The following SLC30A8 variants were observed in gnomAD, a reference collection of about 807,000 sequenced individuals.
SLC30A8 encodes proton-coupled zinc antiporter SLC30A8.
In SLC30A8, 27 loss-of-function variants were observed where a neutral mutation model predicts 36.9. That is an observed-to-expected ratio of 0.73 (90% CI 0.54 to 1.01). The LOEUF (loss-of-function observed/expected upper bound fraction) is 1.01, where lower values mean the gene tolerates loss of function less well. SLC30A8 is among the 50% of genes least tolerant of loss of function. SLC30A8 has a pLI of 0.00. For synonymous variants in SLC30A8, 164 were observed against 172.4 expected, an observed-to-expected ratio of 0.95 and a Z score of 0.38; for missense variants, 439 against 452.0, an observed-to-expected ratio of 0.97 and a Z score of 0.26.
intron 2 of SLC30A8, among the ~76,000 whole-genome samples, chr8:117,057,267 A>C (rs1817899655): frequency 6.6e-6 from 1 of 152,190 alleles, no homozygotes; most frequent in Admixed American, 6.5e-5. Flanking sequence ...TTGACAAATA[A>C]AGATTATACA....
intron 1 of SLC30A8, among the ~76,000 whole-genome samples, chr8:117,008,536 G>A (rs1816250211): frequency 6.6e-6 from 1 of 152,100 alleles, no homozygotes; most frequent in Non-Finnish European, 1.5e-5. Context: ...TCTGAGGGTG[G>A]GCTGTAGAAA....
At chr8:117,013,745 T>C (rs1297376743) in intron 1 of SLC30A8, among the ~76,000 whole-genome samples, 1 of 152,186 alleles carries the variant, frequency 6.6e-6, no homozygotes, top group East Asian at 1.9e-4. Context: ...GAGTGTTTTC[T>C]TTCAAGTCCA....
chr8:117,124,711 C>T (rs1244950451), intron 2 of SLC30A8, among the ~76,000 whole-genome samples: 3 of 146,540 alleles, frequency 2.0e-5, no homozygotes, highest in Non-Finnish European at 3.0e-5. Flanking sequence ...AAATCAAATA[C>T]TGTGTGTTCT....
At chr8:116,978,029 A>G (rs539735289) in intron 1 of SLC30A8, among the ~76,000 whole-genome samples, 2 of 152,052 alleles carry the variant, frequency 1.3e-5, no homozygotes, top group African/African-American at 4.8e-5. Context: ...TATCTTGCCA[A>G]CTTTGGTCAG....
intron 1 of SLC30A8, among the ~76,000 whole-genome samples, chr8:116,981,199 G>A (rs1341888892): frequency 2.0e-5 from 3 of 152,150 alleles, no homozygotes; most frequent in East Asian, 1.9e-4. Context: ...GCTAAGCTGG[G>A]ACTCTCACTC....
In SLC30A8 at chr8:117,172,650, A is replaced by T. The variant is rs765078317; in HGVS notation, c.1079A>T (p.Asp360Val). 3 of 1,613,692 alleles carry T rather than the reference A, an allele frequency of 1.9e-6. No individual in the cohort carries two copies. Among genetic ancestry groups the T allele is most frequent in the South Asian group, 1.1e-5 (1 of 91,078 alleles). The change falls in exon 8 of 8, where the codon GAC becomes GTC. Residue 360 changes from aspartate to valine, a missense_variant. Asp to Val is a radical substitution (Grantham distance 152). Transcript: ENST00000456015. The part of the protein sequence containing the change: ...QMESPVDQDP[D>V]CLFCEDPCD The stretch of plus-strand genomic sequence containing the variant: ...GAATCTCCAGTTGACCAGGACCCCG[A>T]CTGCCTTTTCTGTGAAGACCCCTGT...
At chr8:116,982,181 A>G (rs1447902821) in intron 1 of SLC30A8, among the ~76,000 whole-genome samples, 1 of 151,864 alleles carries the variant, frequency 6.6e-6, no homozygotes, top group Non-Finnish European at 1.5e-5. Flanking sequence ...GATGTTGGCC[A>G]TTCTTTCATA....
chr8:117,008,292 T>C (rs1816243920), intron 1 of SLC30A8, among the ~76,000 whole-genome samples: 1 of 152,266 alleles, frequency 6.6e-6, no homozygotes, highest in Admixed American at 6.5e-5. Flanking sequence ...TATTTCTGTA[T>C]GACTTAGAAG....
chr8:117,173,914 G>T lies in SLC30A8; in HGVS notation c.*1233G>T, dbSNP rs1823532093. 6.6e-6 allele frequency: 1 copy of T among 152,178 alleles called. No homozygotes were observed. Among genetic ancestry groups the T allele is most frequent in the Non-Finnish European group, 1.5e-5 (1 of 68,024 alleles). The allele number at this position is 152,178 out of a possible 1,614,324, so 9.4% of individuals were successfully genotyped here. A position where few individuals can be genotyped will look rare whatever the true frequency, so the allele number is the denominator to read the frequency against. On this transcript the variant is annotated 3_prime_UTR_variant, in exon 8 of 8. Coordinates refer to ENST00000456015, the MANE Select transcript of SLC30A8 (RefSeq NM_173851.3). ...GGATATTGCCGGATGGGCATGGCCA[G>T]TGATGTTTCACGTCATTGAGGTGAC...
chr8:117,128,303 AC>A (rs1272387131), intron 2 of SLC30A8, among the ~76,000 whole-genome samples: 1 of 152,036 alleles, frequency 6.6e-6, no homozygotes, highest in Non-Finnish European at 1.5e-5. Context: ...GAGGCAGAGG[AC>A]TAGGAGTTTC....
In SLC30A8 at chr8:117,173,121, A is replaced by C. The variant is rs1823477962; in HGVS notation, c.*440A>C. On this transcript the variant is annotated 3_prime_UTR_variant, in exon 8 of 8. Coordinates refer to ENST00000456015, the MANE Select transcript of SLC30A8 (RefSeq NM_173851.3). ...AAAAAATAAGGAGAGCCAAGTCAGG[A>C]ATAAAAGTGACTCTGTATGCTAACG... 6.1e-6 allele frequency: 1 copy of C among 164,704 alleles called. No homozygotes were observed. Among genetic ancestry groups the C allele is most frequent in the Non-Finnish European group, 1.3e-5 (1 of 76,184 alleles). 10.2% of individuals were successfully genotyped at this position (164,704 alleles called of 1,614,324 possible).
At chr8:117,169,925 A>G (rs1267285358) in intron 6 of SLC30A8, among the ~76,000 whole-genome samples, 1 of 152,144 alleles carries the variant, frequency 6.6e-6, no homozygotes, top group Admixed American at 6.6e-5. Flanking sequence ...TGGCAAGGAT[A>G]AATATGCAAA....
At chr8:117,155,548 A>T (rs1050485283) in intron 3 of SLC30A8, among the ~76,000 whole-genome samples, 32 of 152,196 alleles carry the variant, frequency 2.1e-4, no homozygotes, top group African/African-American at 7.0e-4. Flanking sequence ...ATAATGTACT[A>T]CAAATTGGGT....
intron 2 of SLC30A8, among the ~76,000 whole-genome samples, chr8:117,049,800 A>G (rs1476541311): frequency 6.6e-6 from 1 of 152,156 alleles, no homozygotes; most frequent in Non-Finnish European, 1.5e-5. Flanking sequence ...GCTGCTCACG[A>G]GAATGGCCCA....
intron 1 of SLC30A8, among the ~76,000 whole-genome samples, chr8:116,976,884 T>G: frequency 6.7e-6 from 1 of 148,756 alleles, no homozygotes; most frequent in African/African-American, 2.5e-5. Context: ...TGGCACGAAC[T>G]CAGCTCACTG....
intron 2 of SLC30A8, among the ~76,000 whole-genome samples, chr8:117,058,235 TTTG>T (rs1481985769): frequency 2.6e-5 from 4 of 151,110 alleles, no homozygotes; most frequent in Non-Finnish European, 5.9e-5. Flanking sequence ...AATTGGGTTA[TTTG>T]TTCTTTTCCT....
chr8:117,017,873 C>G (rs1398080612), intron 1 of SLC30A8: 1 of 152,166 alleles, frequency 6.6e-6, no homozygotes, highest in East Asian at 1.9e-4. Flanking sequence ...CTCGTCCTGT[C>G]CCATAGAAAT....
intron 6 of SLC30A8, among the ~76,000 whole-genome samples, chr8:117,168,371 T>C (rs1029042571): frequency 3.3e-5 from 5 of 152,214 alleles, no homozygotes; most frequent in Non-Finnish European, 5.9e-5. Flanking sequence ...TTATATCTTA[T>C]TGATTTCAAA....
intron 1 of SLC30A8, among the ~76,000 whole-genome samples, chr8:117,135,940 T>C (rs1821339874): frequency 6.6e-6 from 1 of 151,954 alleles, no homozygotes; most frequent in Non-Finnish European, 1.5e-5. Flanking sequence ...CATTCATTCA[T>C]TTTTCACTTG....
Sources: allele counts gnomAD v4.1 joint callset (sites outside exome capture counted in the v4.1 genomes callset), GRCh38; gene constraint gnomAD v4.1.1; transcripts MANE v1.5; gene names NCBI Gene and HGNC (gene_info 2026-07-23, HGNC 2026-07-21).